The following SLC1A1 variants were observed in gnomAD, a reference collection of about 807,000 sequenced individuals.
The protein encoded by SLC1A1 is excitatory amino acid transporter 3.
A neutral mutation model predicts 53.3 loss-of-function variants in SLC1A1; 43 were observed. The ratio of observed to expected loss-of-function variants is 0.81; its 90% CI spans 0.63 to 1.04. SLC1A1 has a LOEUF of 1.04. Ranked by LOEUF, SLC1A1 falls within the 50% of genes least tolerant of loss-of-function variation. The pLI, the probability that SLC1A1 is intolerant of heterozygous loss-of-function variation, is 0.00. For missense variants in SLC1A1, 748 were observed against 664.9 expected (o/e 1.12, Z -1.37); for synonymous variants, 307 against 243.2 (o/e 1.26, Z -2.44).
In SLC1A1 at chr9:4,573,933, T is replaced by C. The variant is rs1232465626; in HGVS notation, c.794T>C (p.Leu265Pro). 4 of 1,613,532 alleles carry C rather than the reference T, an allele frequency of 2.5e-6. No homozygotes were observed. Among genetic ancestry groups the C allele is most frequent in the Non-Finnish European group, 3.4e-6 (4 of 1,179,534 alleles). ...MCYMPLGILF[L>P]IAGKIIEVED... The stretch of plus-strand genomic sequence containing the variant: ...TATATGCCACTAGGTATTTTGTTCC[T>C]GATTGCTGGGAAGATCATAGAAGTT... Residue 265 changes from leucine to proline, a missense_variant, in exon 8 of 12, where the codon CTG becomes CCG. Transcript: ENST00000262352.
intron 2 of SLC1A1, among the ~76,000 whole-genome samples, chr9:4,546,612 C>T (rs942828155): frequency 5.9e-5 from 9 of 152,174 alleles, no homozygotes; most frequent in African/African-American, 1.7e-4. Context: ...GCCTGGCCGC[C>T]GTAAGGATGG....
chr9:4,529,704 G>T (rs758585735), intron 1 of SLC1A1, among the ~76,000 whole-genome samples: 11 of 152,164 alleles, frequency 7.2e-5, no homozygotes, highest in Non-Finnish European at 7.3e-5. Flanking sequence ...GTGTGTGTGT[G>T]TGTGTTGTAG....
chr9:4,545,528 C>T (rs1439835163), intron 2 of SLC1A1, among the ~76,000 whole-genome samples: 1 of 152,214 alleles, frequency 6.6e-6, no homozygotes, highest in East Asian at 1.9e-4. Flanking sequence ...CCAACTGCAG[C>T]TGTGCTGCCC....
intron 1 of SLC1A1, among the ~76,000 whole-genome samples, chr9:4,511,842 A>T (rs1821011319): frequency 6.6e-6 from 1 of 152,202 alleles, no homozygotes; most frequent in African/African-American, 2.4e-5. Context: ...TACAAAATAA[A>T]TTTTAAGACT....
chr9:4,518,326 G>T (rs188326718), intron 1 of SLC1A1, among the ~76,000 whole-genome samples: 58 of 150,430 alleles, frequency 3.9e-4, no homozygotes, highest in Non-Finnish European at 7.1e-4. Context: ...TTCCTTGAGT[G>T]GTGAAAAGGT....
chr9:4,539,876 A>G (rs1302787527), intron 1 of SLC1A1, among the ~76,000 whole-genome samples: 1 of 152,024 alleles, frequency 6.6e-6, no homozygotes, highest in African/African-American at 2.4e-5. Flanking sequence ...GACCTTACCA[A>G]CTTACTTATA....
At position 4,537,853 on chromosome 9, in the gene SLC1A1, T is replaced by G. The variant is rs1375448783; in HGVS notation, c.92-6714T>G. On this transcript the variant is annotated intron_variant, in intron 1 of 11. Transcript: ENST00000262352. The stretch of plus-strand genomic sequence containing the variant: ...TACTGGAACTAGACATTGGTGACAG[T>G]TGTACAACATTGTATGTTAAAAACC... 2.6e-5 allele frequency among the ~76,000 whole-genome samples: 4 copies of G among 152,210 alleles called. No individual in the cohort carries two copies. The East Asian group carries it at 7.7e-4, about 29-fold the overall frequency.
At chr9:4,543,892 A>G (rs1303883439) in intron 1 of SLC1A1, among the ~76,000 whole-genome samples, 5 of 152,222 alleles carry the variant, frequency 3.3e-5, no homozygotes, top group Non-Finnish European at 7.3e-5. Flanking sequence ...TAAAATATGT[A>G]AAATAGCCAA....
At chr9:4,492,012 G>A (rs1317998662) in intron 1 of SLC1A1, among the ~76,000 whole-genome samples, 1 of 152,208 alleles carries the variant, frequency 6.6e-6, no homozygotes, top group African/African-American at 2.4e-5. Context: ...GAACCTTGGG[G>A]AAAGGAAAGT....
At chr9:4,512,508 C>T (rs1821031859) in intron 1 of SLC1A1, among the ~76,000 whole-genome samples, 1 of 148,800 alleles carries the variant, frequency 6.7e-6, no homozygotes, top group South Asian at 2.1e-4. Flanking sequence ...ATCCTGTCTC[C>T]AAAAAAAACA....
Position 4,545,279 on chromosome 9 carries a change from A to G in SLC1A1, c.232+572A>G, listed in dbSNP as rs145598088. Among the ~76,000 whole-genome samples, 72 of 150,274 alleles carry G rather than the reference A, an allele frequency of 4.8e-4. No homozygotes were observed. In the East Asian group the frequency reaches 0.014, roughly 28 times the overall value. ...CTGTGGAAACATTTTACTGTTCTCA[A>G]CATGGCATTGCTTTGTCATATGCTG... On this transcript the variant is annotated intron_variant, in intron 2 of 11. Coordinates refer to ENST00000262352, the MANE Select transcript of SLC1A1 (RefSeq NM_004170.6).
At chr9:4,505,679 A>T (rs1003107643) in intron 1 of SLC1A1, among the ~76,000 whole-genome samples, 2 of 151,894 alleles carry the variant, frequency 1.3e-5, no homozygotes, top group Non-Finnish European at 2.9e-5. Context: ...TGTTTTGGGA[A>T]GGTGTCTCAC....
At chr9:4,559,962 C>A (rs1256993349) in intron 2 of SLC1A1, 1 of 152,176 alleles carries the variant, frequency 6.6e-6, no homozygotes, top group Non-Finnish European at 1.5e-5. Flanking sequence ...GGGATGCCTG[C>A]CTTCCACCTC....
intron 1 of SLC1A1, among the ~76,000 whole-genome samples, chr9:4,518,849 C>T (rs1251848978): frequency 2.0e-5 from 3 of 152,204 alleles, no homozygotes; most frequent in Non-Finnish European, 4.4e-5. Flanking sequence ...GCATTTAATT[C>T]TCACCCTGAG....
At chr9:4,495,381 T>G (rs1370723946) in intron 1 of SLC1A1, among the ~76,000 whole-genome samples, 1 of 152,184 alleles carries the variant, frequency 6.6e-6, no homozygotes, top group Non-Finnish European at 1.5e-5. Flanking sequence ...CATGTCCTCA[T>G]GGGACTTAAT....
At chr9:4,530,282 A>G (rs2130850663) in intron 1 of SLC1A1, among the ~76,000 whole-genome samples, 1 of 152,296 alleles carries the variant, frequency 6.6e-6, no homozygotes, top group South Asian at 2.1e-4. Flanking sequence ...AGTCTGGATA[A>G]CTGAATTGTC....
chr9:4,498,532 T>C (rs79197553), intron 1 of SLC1A1, among the ~76,000 whole-genome samples: 1,916 of 117,328 alleles, frequency 0.016, 40 homozygotes, highest in African/African-American at 0.046. Context: ...CAGTTTGACA[T>C]AGGGAAAACA....
chr9:4,521,130 ATTG>A (rs1248567232), intron 1 of SLC1A1, among the ~76,000 whole-genome samples: 6 of 152,106 alleles, frequency 3.9e-5, no homozygotes, highest in African/African-American at 1.4e-4. Context: ...TTGTCTTTTC[ATTG>A]TTGAGTTGTA....
chr9:4,578,068 A>T (rs1323386672), intron 10 of SLC1A1, among the ~76,000 whole-genome samples: 2 of 152,250 alleles, frequency 1.3e-5, no homozygotes, highest in African/African-American at 4.8e-5. Context: ...GGTGGGAAAG[A>T]TAAATAGTAA....
Sources: allele counts gnomAD v4.1 joint callset (sites outside exome capture counted in the v4.1 genomes callset), GRCh38; gene constraint gnomAD v4.1.1; transcripts MANE v1.5; gene names NCBI Gene and HGNC (gene_info 2026-07-23, HGNC 2026-07-21).